Variants in TRAF2 observed in about 807,000 individuals in gnomAD.
TRAF2 encodes TNF receptor associated factor 2.
In TRAF2, 6 loss-of-function variants were observed where a neutral mutation model predicts 55.6. The ratio of observed to expected loss-of-function variants is 0.11; its 90% CI spans 0.06 to 0.21. TRAF2 has a LOEUF of 0.21. Among genes scored for constraint, TRAF2 ranks in the 10% least tolerant of loss-of-function variants. TRAF2 has a pLI of 1.00. For synonymous variants in TRAF2, 329 were observed against 276.3 expected (o/e 1.19, Z -1.89); for missense variants, 561 against 684.5 (o/e 0.82, Z 2.01).
chr9:136,886,769 C>T (rs1005170052), intron 1 of TRAF2: 1 of 222,268 alleles, frequency 4.5e-6, no homozygotes, highest in Non-Finnish European at 7.6e-6. Context: ...CGGGAAAGTT[C>T]GGGAACGCGC....
intron 1 of TRAF2, among the ~76,000 whole-genome samples, chr9:136,893,749 CTTT>C (rs1422637446): frequency 6.6e-6 from 1 of 152,014 alleles, no homozygotes; most frequent in Non-Finnish European, 1.5e-5. Flanking sequence ...GACCCTTTTT[CTTT>C]TTTACTTTTT....
At chr9:136,915,008 C>T (rs549951739) in intron 6 of TRAF2, among the ~76,000 whole-genome samples, 9 of 152,078 alleles carry the variant, frequency 5.9e-5, no homozygotes, top group African/African-American at 1.9e-4. Context: ...GCAGAAACCC[C>T]GTCTCTACTA....
intron 5 of TRAF2, among the ~76,000 whole-genome samples, chr9:136,909,291 G>A (rs1000411701): frequency 3.9e-5 from 6 of 152,226 alleles, no homozygotes; most frequent in Non-Finnish European, 7.3e-5. Context: ...GCCTGTGTCT[G>A]CGTCCCTGTT....
At chr9:136,895,295 G>C (rs1849657305) in intron 1 of TRAF2, among the ~76,000 whole-genome samples, 1 of 152,186 alleles carries the variant, frequency 6.6e-6, no homozygotes, top group Non-Finnish European at 1.5e-5. Context: ...GGTTCTGCCT[G>C]GTGGGTGGGT....
At position 136,926,061 on chromosome 9, in the gene TRAF2, G is replaced by A. The variant is rs763835479; in HGVS notation, c.*160G>A. 4.5e-6 allele frequency: 4 copies of A among 888,714 alleles called. No homozygotes were observed. Among genetic ancestry groups the A allele is most frequent in the Admixed American group, 1.8e-5 (1 of 56,806 alleles). The allele number at this position is 888,714 out of a possible 1,614,324, so 55.1% of individuals were successfully genotyped here. On this transcript the variant is annotated 3_prime_UTR_variant, in exon 11 of 11. Coordinates refer to ENST00000247668, the MANE Select transcript of TRAF2 (RefSeq NM_021138.4). ...TGCAGCCAAGTTCACTGTCACGGGG[G>A]AAGGAGCCACCAGCCAGTCCTCAGA...
At chr9:136,892,740 C>T (rs1170386448) in intron 1 of TRAF2, among the ~76,000 whole-genome samples, 5 of 151,872 alleles carry the variant, frequency 3.3e-5, no homozygotes, top group African/African-American at 9.7e-5. Context: ...ATTAGCCAGG[C>T]GTGGTGACAG....
chr9:136,911,996 C>T (rs1056905749), intron 6 of TRAF2, among the ~76,000 whole-genome samples: 2 of 151,198 alleles, frequency 1.3e-5, no homozygotes, highest in African/African-American at 2.4e-5. Flanking sequence ...ACTACAGGCG[C>T]CTGCCACCAT....
In TRAF2 at chr9:136,915,299, C is replaced by T. The variant is rs144534352; in HGVS notation, c.604-1242C>T. Among the ~76,000 whole-genome samples, 69 of 152,298 alleles carry T rather than the reference C, an allele frequency of 4.5e-4. 1 individual carries two copies. Among genetic ancestry groups the T allele is most frequent in the African/African-American group, 1.5e-3 (62 of 41,562 alleles). On this transcript the variant is annotated intron_variant, in intron 6 of 10. Coordinates refer to ENST00000247668, the MANE Select transcript of TRAF2 (RefSeq NM_021138.4). ...CAGGCTCCCCGTCCGCAGCGCCGTG[C>T]GGTCGTTCAGAAATTTGCATTCCCA...
At chr9:136,900,098 C>T (rs1188804102) in intron 3 of TRAF2, among the ~76,000 whole-genome samples, 1 of 147,696 alleles carries the variant, frequency 6.8e-6, no homozygotes, top group Admixed American at 6.8e-5. Context: ...GGCTGGGAGG[C>T]GGAGGTTGCA....
At chr9:136,893,577 G>A (rs924136937) in intron 1 of TRAF2, among the ~76,000 whole-genome samples, 1 of 152,200 alleles carries the variant, frequency 6.6e-6, no homozygotes, top group African/African-American at 2.4e-5. Flanking sequence ...GGGTCTGCAG[G>A]GTTGGCGCAC....
At chr9:136,901,252 G>A (rs1448934141) in intron 4 of TRAF2, among the ~76,000 whole-genome samples, 5 of 152,224 alleles carry the variant, frequency 3.3e-5, no homozygotes, top group African/African-American at 4.8e-5. Context: ...GCCAAGTTAT[G>A]CAGTCTTCCT....
At chr9:136,907,152 C>T (rs527879598) in intron 4 of TRAF2, among the ~76,000 whole-genome samples, 51 of 152,376 alleles carry the variant, frequency 3.3e-4, no homozygotes, top group Non-Finnish European at 4.4e-4. Context: ...CCTCTGTGTC[C>T]TTTTCCCTTG....
chr9:136,901,011 G>A (rs912440391), intron 4 of TRAF2, among the ~76,000 whole-genome samples: 12 of 152,192 alleles, frequency 7.9e-5, no homozygotes, highest in Non-Finnish European at 1.5e-4. Flanking sequence ...TGTTGACACT[G>A]GAAATTGCAG....
At chr9:136,901,523 C>A (rs1027002933) in intron 4 of TRAF2, among the ~76,000 whole-genome samples, 2 of 152,214 alleles carry the variant, frequency 1.3e-5, no homozygotes, top group Non-Finnish European at 2.9e-5. Flanking sequence ...AGGACAGATC[C>A]TCTGTGATTC....
chr9:136,900,681 G>T (rs185513878), intron 4 of TRAF2, 161 bp downstream of exon 4: 2 of 710,104 alleles, frequency 2.8e-6, no homozygotes, highest in East Asian at 5.6e-5. Flanking sequence ...CTTAGAGTAT[G>T]TCCATTTAGA....
At chr9:136,909,680 G>T (rs1190047202) in intron 5 of TRAF2, among the ~76,000 whole-genome samples, 1 of 152,208 alleles carries the variant, frequency 6.6e-6, no homozygotes, top group Non-Finnish European at 1.5e-5. Context: ...CTCCTCTGGT[G>T]GCTTGGGTCT....
At position 136,898,932 on chromosome 9, in the gene TRAF2, C is replaced by G; in HGVS notation, c.188+4C>G. On this transcript the variant is annotated splice_donor_region_variant and intron_variant, in intron 2 of 10. Transcript: ENST00000247668. ...TCTGCCTGGCCAGCATCCTCAGGTGCATGGGGCCTGCAGGCTGGGAGGAGG... is the reference window on the plus strand; with the variant it reads ...TCTGCCTGGCCAGCATCCTCAGGTGGATGGGGCCTGCAGGCTGGGAGGAGG... The G allele has an allele frequency of 6.2e-7, 1 of 1,600,668 alleles. No individual in the cohort carries two copies.
At chr9:136,918,253 ATATATTTATTTAAT>A (rs1850290976) in intron 7 of TRAF2, among the ~76,000 whole-genome samples, 2 of 42,320 alleles carry the variant, frequency 4.7e-5, no homozygotes, top group African/African-American at 3.2e-4. Context: ...ATATATATAT[ATATATTTATTTAAT>A]TAATTAATTT....
intron 1 of TRAF2, among the ~76,000 whole-genome samples, chr9:136,892,890 A>G (rs1849609640): frequency 6.6e-6 from 1 of 152,226 alleles, no homozygotes. Flanking sequence ...GAATAAATAA[A>G]TAAACCATTA....
Sources: gnomAD v4.1 joint callset for allele counts (sites outside exome capture counted in the v4.1 genomes callset) on GRCh38, gnomAD v4.1.1 for gene constraint, MANE v1.5 for transcripts, NCBI Gene and HGNC (gene_info 2026-07-23, HGNC 2026-07-21) for gene names.